The following MRTFB variants were observed in gnomAD, a reference collection of about 807,000 sequenced individuals.
MRTFB encodes myocardin-related transcription factor B.
In MRTFB, 29 loss-of-function variants were observed where a neutral mutation model predicts 104.2. That is an observed-to-expected ratio of 0.28 (90% confidence interval 0.21 to 0.38). The LOEUF (loss-of-function observed/expected upper bound fraction) is 0.38, where lower values mean the gene tolerates loss of function less well. Ranked by LOEUF, MRTFB falls within the 10% of genes least tolerant of loss-of-function variation. The probability of loss-of-function intolerance (pLI) is 1.00; values close to 1 mark genes in which losing one functional copy is unlikely to be tolerated. For synonymous variants in MRTFB, 535 were observed against 519.5 expected, an observed-to-expected ratio of 1.03 and a Z score of -0.41; for missense variants, 1,270 against 1,341.6, an observed-to-expected ratio of 0.95 and a Z score of 0.83.
At chr16:14,087,340 C>G (rs776005038) in intron 2 of MRTFB, among the ~76,000 whole-genome samples, 5 of 152,144 alleles carry the variant, frequency 3.3e-5, no homozygotes, top group Non-Finnish European at 7.3e-5. Flanking sequence ...TGTCCTATCC[C>G]CCTTGAGAAA....
intron 3 of MRTFB, among the ~76,000 whole-genome samples, chr16:14,185,592 C>A (rs956251832): frequency 1.3e-5 from 2 of 151,880 alleles, no homozygotes; most frequent in African/African-American, 4.8e-5. Context: ...GCACTGTCTT[C>A]TGCTTTAATT....
chr16:14,252,332 A>C (rs973463662), intron 14 of MRTFB, 33 bp from the exon 15 acceptor site: 1 of 1,601,208 alleles, frequency 6.2e-7, no homozygotes, highest in Non-Finnish European at 8.5e-7. Context: ...TATTGCCAAG[A>C]GGTAATGTGC....
chr16:14,070,688 G>T (rs899076331), upstream of MRTFB, among the ~76,000 whole-genome samples: 1 of 152,236 alleles, frequency 6.6e-6, no homozygotes, highest in Admixed American at 6.5e-5. Flanking sequence ...GGTGAATGTT[G>T]GGAGAGAATG....
the MRTFB span, among the ~76,000 whole-genome samples, chr16:14,053,987 A>T: frequency 6.6e-6 from 1 of 152,104 alleles, no homozygotes; most frequent in Non-Finnish European, 1.5e-5. Flanking sequence ...TGAGATTGTG[A>T]GGTCGTGTGC....
intron 2 of MRTFB, among the ~76,000 whole-genome samples, chr16:14,132,736 A>C (rs977826057): frequency 1.3e-5 from 2 of 152,194 alleles, no homozygotes; most frequent in African/African-American, 2.4e-5. Context: ...TTCGTGGCAG[A>C]AGCTTTCTTA....
At chr16:14,254,644 C>G (rs140617132) in intron 15 of MRTFB, among the ~76,000 whole-genome samples, 2,975 of 152,320 alleles carry the variant, frequency 0.02, 112 homozygotes, top group African/African-American at 0.068. Flanking sequence ...GAGATTGGAA[C>G]ATCTACCCAA....
At chr16:14,005,640 T>G in the MRTFB span, among the ~76,000 whole-genome samples, 1 of 152,222 alleles carries the variant, frequency 6.6e-6, no homozygotes, top group African/African-American at 2.4e-5. Context: ...TACTATTTTC[T>G]GCAGAACACC....
rs1332123347 is a variant in MRTFB, at chr16:14,177,620, T to C, written c.155-32623T>C. Among the ~76,000 whole-genome samples, 1 of 151,514 alleles carries C rather than the reference T, an allele frequency of 6.6e-6. No homozygotes were observed. Among genetic ancestry groups the C allele is most frequent in the Non-Finnish European group, 1.5e-5 (1 of 67,834 alleles). On this transcript the variant is annotated intron_variant, in intron 3 of 16. Transcript: ENST00000571589. The surrounding 1 kb of genome is among the most constrained non-coding windows in gnomAD (Gnocchi z 4.7). Reference sequence around the variant, plus strand: ...CAGGAGGATTGCTTCAGCCCAGGAGTTCGAGACCAGCCTGAGCAACATAGC... The same window carrying C: ...CAGGAGGATTGCTTCAGCCCAGGAGCTCGAGACCAGCCTGAGCAACATAGC...
chr16:14,039,432 A>T, the MRTFB span, among the ~76,000 whole-genome samples: 6 of 152,182 alleles, frequency 3.9e-5, no homozygotes, highest in Non-Finnish European at 7.4e-5. Context: ...AGCCCTATTC[A>T]TTGTGGGAGG....
At chr16:14,247,601 T>C (rs2043078680) in intron 12 of MRTFB, 94 bp downstream of exon 12, 1 of 1,194,564 alleles carries the variant, frequency 8.4e-7, no homozygotes, top group African/African-American at 1.5e-5. Context: ...CTTCCATAAA[T>C]GCGTCCAGAG....
At chr16:14,011,363 G>T in the MRTFB span, among the ~76,000 whole-genome samples, 1 of 152,238 alleles carries the variant, frequency 6.6e-6, no homozygotes, top group African/African-American at 2.4e-5. Context: ...GTGAAAGTGG[G>T]TGAGAGGGTT....
rs192017843 is a variant in MRTFB, at chr16:14,166,657, C to T, written c.154+25897C>T. The stretch of plus-strand genomic sequence containing the variant: ...TAGCTGTCTTCCTGATGCTCTCCTG[C>T]CCACCGCACCCACCCCCGACAGCCC... On this transcript the variant is annotated intron_variant, in intron 3 of 16. Coordinates refer to ENST00000571589, the MANE Select transcript of MRTFB (RefSeq NM_001308142.2). Among the ~76,000 whole-genome samples, 50 of 151,678 alleles carry T rather than the reference C, an allele frequency of 3.3e-4. 1 individual carries two copies. In the East Asian group the frequency reaches 9.3e-3, roughly 28 times the overall value.
chr16:14,131,203 G>A (rs1175506197), intron 2 of MRTFB, among the ~76,000 whole-genome samples: 2 of 152,146 alleles, frequency 1.3e-5, no homozygotes, highest in African/African-American at 2.4e-5. Context: ...ATACTACACT[G>A]TCTCTGTTGT....
intron 2 of MRTFB, among the ~76,000 whole-genome samples, chr16:14,110,873 G>A (rs181740495): frequency 3.2e-4 from 48 of 151,972 alleles, no homozygotes; most frequent in African/African-American, 5.8e-4. Flanking sequence ...ATCCTGTCCC[G>A]TCCCATCTCA....
chr16:14,039,115 C>G, the MRTFB span, among the ~76,000 whole-genome samples: 2 of 152,166 alleles, frequency 1.3e-5, no homozygotes, highest in Non-Finnish European at 2.9e-5. Context: ...ACAGCCAAAC[C>G]ATATCAATGG....
chr16:14,043,956 GACTGGGAGTATC>G, the MRTFB span, among the ~76,000 whole-genome samples: 1 of 152,226 alleles, frequency 6.6e-6, no homozygotes, highest in Non-Finnish European at 1.5e-5. Flanking sequence ...GACTAAACCA[GACTGGGAGTATC>G]ACGGAAGTCT....
At chr16:14,017,699 A>G in the MRTFB span, among the ~76,000 whole-genome samples, 5 of 28,736 alleles carry the variant, frequency 1.7e-4, no homozygotes, top group Non-Finnish European at 4.7e-4. Context: ...ATATATATAT[A>G]TATATATATA....
intron 15 of MRTFB, among the ~76,000 whole-genome samples, chr16:14,257,830 G>C (rs1410209475): frequency 1.3e-5 from 2 of 152,064 alleles, no homozygotes; most frequent in Admixed American, 1.3e-4. Context: ...TAAGGTATTA[G>C]AGGCCTCTCA....
intron 14 of MRTFB, 57 bp from the exon 15 acceptor site, chr16:14,252,308 G>C (rs1195002755): frequency 1.3e-6 from 2 of 1,580,024 alleles, no homozygotes; most frequent in African/African-American, 1.3e-5. Flanking sequence ...AGTCTAGCCA[G>C]GAAAAGAGAG....
Sources: allele counts gnomAD v4.1 joint callset (sites outside exome capture counted in the v4.1 genomes callset), GRCh38; gene constraint gnomAD v4.1.1; non-coding constraint Gnocchi (gnomAD v3.1); transcripts MANE v1.5; gene names NCBI Gene and HGNC (gene_info 2026-07-23, HGNC 2026-07-21).